Variants in WDR44 observed in about 807,000 individuals in gnomAD.
WDR44 encodes the protein WD repeat-containing protein 44.
Under a neutral mutation model 65.7 loss-of-function variants are expected in WDR44, and 9 were observed. That is an observed-to-expected ratio of 0.14 (90% CI 0.08 to 0.24). The LOEUF is 0.24. Ranked by LOEUF, WDR44 falls within the 10% of genes least tolerant of loss-of-function variation. The probability of loss-of-function intolerance (pLI) is 1.00; values close to 1 mark genes in which losing one functional copy is unlikely to be tolerated. For missense variants in WDR44, 425 were observed against 670.9 expected, an observed-to-expected ratio of 0.63 and a Z score of 4.05; for synonymous variants, 220 against 235.2, an observed-to-expected ratio of 0.94 and a Z score of 0.59.
intron 12 of WDR44, among the ~76,000 whole-genome samples, chrX:118,413,888 A>G (rs1440632318): frequency 1.8e-5 from 2 of 111,687 alleles, no homozygotes; most frequent in Non-Finnish European, 3.8e-5. Context: ...CAGTTTCATT[A>G]TCCTACACGT....
At chrX:118,354,269 T>C (rs1024524094) in intron 1 of WDR44, among the ~76,000 whole-genome samples, 2 of 109,905 alleles carry the variant, frequency 1.8e-5, no homozygotes, top group Non-Finnish European at 3.8e-5. Flanking sequence ...TTTTTAAAAA[T>C]TAGTTGGACA....
At chrX:118,438,797 G>GTTTTTTTTTTTTTTTTTTTTTTTTTTT (rs1213083479) in intron 14 of WDR44, among the ~76,000 whole-genome samples, 1 of 64,071 alleles carries the variant, frequency 1.6e-5, no homozygotes, top group Admixed American at 2.4e-4. Context: ...GTTCAGCCAT[G>GTTTTTTTTTTTTTTTTTTTTTTTTTTT]TTTTTTTTTT....
chrX:118,347,961 T>C (rs1243320031), intron 1 of WDR44, among the ~76,000 whole-genome samples: 1 of 111,441 alleles, frequency 9.0e-6, no homozygotes, highest in African/African-American at 3.3e-5. Flanking sequence ...CCGTGAAACT[T>C]AATTTTTGTG....
intron 14 of WDR44, among the ~76,000 whole-genome samples, chrX:118,438,901 T>C (rs1473956050): frequency 2.0e-5 from 2 of 100,559 alleles, no homozygotes; most frequent in African/African-American, 7.4e-5. Flanking sequence ...CAGTTCTGCC[T>C]CAGCCTCCCA....
chrX:118,410,866 C>CT, intron 11 of WDR44, 29 bp from the exon 12 acceptor site: 1 of 1,179,323 alleles, frequency 8.5e-7, no homozygotes, highest in Non-Finnish European at 1.1e-6. Context: ...ACATACATGC[C>CT]TTTTTTACAA....
At chrX:118,382,203 G>A (rs771414776) in intron 2 of WDR44, among the ~76,000 whole-genome samples, 4 of 109,562 alleles carry the variant, frequency 3.7e-5, no homozygotes, top group Non-Finnish European at 7.6e-5. Flanking sequence ...ACTTTTATAT[G>A]TCTTACAGCT....
At chrX:118,363,841 C>T (rs1569357669) in intron 1 of WDR44, among the ~76,000 whole-genome samples, 1 of 111,950 alleles carries the variant, frequency 8.9e-6, no homozygotes, top group Non-Finnish European at 1.9e-5. Context: ...TGCTAAAGAT[C>T]ATATTGAGTA....
intron 19 of WDR44, chrX:118,444,945 T>C (rs764604393): frequency 4.3e-5 from 14 of 327,913 alleles, no homozygotes; most frequent in Non-Finnish European, 7.7e-5. Flanking sequence ...TTCTGAACTT[T>C]TCAGTAATAT....
At chrX:118,438,161 C>G (rs1014185348) in intron 14 of WDR44, among the ~76,000 whole-genome samples, 4 of 111,389 alleles carry the variant, frequency 3.6e-5, no homozygotes, top group African/African-American at 9.8e-5. Context: ...CTGGACAACA[C>G]AGTGAGACCC....
chrX:118,369,532 G>C (rs1457669613), intron 1 of WDR44, among the ~76,000 whole-genome samples: 24 of 83,529 alleles, frequency 2.9e-4, no homozygotes, highest in South Asian at 6.2e-4. Flanking sequence ...TGCAGTGGCG[G>C]GATCTCGGCT....
At chrX:118,394,002 C>A (rs10127331) in intron 4 of WDR44, 53 bp from the exon 5 acceptor site, 2 of 1,112,426 alleles carry the variant, frequency 1.8e-6, no homozygotes, top group East Asian at 3.1e-5. Context: ...AGGGTTGTTA[C>A]AAGAATCAAA....
At chrX:118,354,509 TC>T (rs2056442391) in intron 1 of WDR44, among the ~76,000 whole-genome samples, 1 of 111,190 alleles carries the variant, frequency 9.0e-6, no homozygotes, top group African/African-American at 3.3e-5. Flanking sequence ...TTTCACTTTC[TC>T]CACAGAGTCC....
intron 3 of WDR44, among the ~76,000 whole-genome samples, chrX:118,390,653 C>T (rs1472193428): frequency 2.7e-5 from 3 of 111,406 alleles, no homozygotes; most frequent in African/African-American, 9.8e-5. Context: ...TCACCTCATG[C>T]TCACTGTACC....
At chrX:118,369,168 TTTTTA>T (rs767268409) in intron 1 of WDR44, among the ~76,000 whole-genome samples, 6 of 111,759 alleles carry the variant, frequency 5.4e-5, no homozygotes, top group African/African-American at 1.6e-4. Flanking sequence ...ATAACTTTCT[TTTTTA>T]TTTTATTTTA....
At chrX:118,367,325 A>C (rs1312533300) in intron 1 of WDR44, among the ~76,000 whole-genome samples, 1 of 111,741 alleles carries the variant, frequency 8.9e-6, no homozygotes, top group Non-Finnish European at 1.9e-5. Flanking sequence ...TTTGGGACTA[A>C]AACTCAGGTC....
At chrX:118,436,602 C>A in intron 13 of WDR44, 100 bp from the exon 14 acceptor site, 1 of 927,346 alleles carries the variant, frequency 1.1e-6, no homozygotes, top group Non-Finnish European at 1.5e-6. Flanking sequence ...TTAACAATAA[C>A]AAAACTGTTG....
intron 5 of WDR44, among the ~76,000 whole-genome samples, chrX:118,395,042 A>C (rs1053950612): frequency 1.8e-5 from 2 of 112,058 alleles, no homozygotes; most frequent in East Asian, 2.8e-4. Flanking sequence ...ATACTAAGAC[A>C]TTATTTCATG....
chrX:118,392,947 G>A lies in WDR44; in HGVS notation c.502G>A (p.Val168Met). ...AACAAGTTCAACTGAGCAGCTTAAT[G>A]TGCTTGAAACTGAAACAGAAGTATT... ...TQTSSTEQLN[V>M]LETETEVLNK... Residue 168 changes from valine to methionine, a missense_variant, in exon 4 of 20, where the codon GTG becomes ATG. By Grantham distance (21) the Val-to-Met change is conservative. Transcript: ENST00000254029. The A allele has an allele frequency of 8.2e-7, 1 of 1,212,326 alleles. No individual in the cohort carries two copies. The highest frequency in any genetic ancestry group is 1.1e-6 in the Non-Finnish European group (1 of 895,664).
At chrX:118,410,843 G>A in intron 11 of WDR44, 52 bp from the exon 12 acceptor site, 1 of 992,237 alleles carries the variant, frequency 1.0e-6, no homozygotes, top group Non-Finnish European at 1.4e-6. Flanking sequence ...TATTTTGGTG[G>A]GTCTGTGTGT....
Sources: gnomAD v4.1 joint callset for allele counts (sites outside exome capture counted in the v4.1 genomes callset) on GRCh38, gnomAD v4.1.1 for gene constraint, MANE v1.5 for transcripts, NCBI Gene and HGNC (gene_info 2026-07-23, HGNC 2026-07-21) for gene names.